RBMS1: variants seen among roughly 807,000 people sequenced by gnomAD.
The protein encoded by RBMS1 is RNA-binding motif, single-stranded-interacting protein 1.
In RBMS1, 17 loss-of-function variants were observed where a neutral mutation model predicts 62.3. That is an observed-to-expected ratio of 0.27 (90% CI 0.19 to 0.41). The LOEUF (loss-of-function observed/expected upper bound fraction) is 0.41, where lower values mean the gene tolerates loss of function less well. Ranked by LOEUF, RBMS1 falls within the 10% of genes least tolerant of loss-of-function variation. The pLI is 1.00. For missense variants in RBMS1, 334 were observed against 504.5 expected, an observed-to-expected ratio of 0.66 and a Z score of 3.24; for synonymous variants, 172 against 170.0, an observed-to-expected ratio of 1.01 and a Z score of -0.09.
intron 2 of RBMS1, among the ~76,000 whole-genome samples, chr2:160,328,249 A>G (rs563508481): frequency 4.6e-5 from 7 of 152,298 alleles, no homozygotes; most frequent in Non-Finnish European, 7.3e-5. Flanking sequence ...AATAAGTGTT[A>G]TTCTTTTCTC....
chr2:160,281,205 T>C, intron 10 of RBMS1, 109 bp downstream of exon 10: 1 of 740,164 alleles, frequency 1.4e-6, no homozygotes, highest in Non-Finnish European at 2.1e-6. Context: ...ATATTCCATG[T>C]TTAAAATTTC....
At chr2:160,323,276 G>C (rs1468025007) in intron 2 of RBMS1, among the ~76,000 whole-genome samples, 1 of 151,740 alleles carries the variant, frequency 6.6e-6, no homozygotes, top group East Asian at 1.9e-4. Context: ...AGAAGATCGA[G>C]ACCAGCCTGG....
At chr2:160,404,987 CTT>C (rs1695625835) in intron 1 of RBMS1, among the ~76,000 whole-genome samples, 1 of 152,216 alleles carries the variant, frequency 6.6e-6, no homozygotes, top group South Asian at 2.1e-4. Flanking sequence ...TGGCTCTGCA[CTT>C]TGAGTTGAAT....
chr2:160,311,205 A>C (rs1468436624), intron 4 of RBMS1, among the ~76,000 whole-genome samples: 2 of 42,184 alleles, frequency 4.7e-5, no homozygotes, highest in East Asian at 2.3e-3. Context: ...CAAAAAAAAA[A>C]AAAAATCTAT....
chr2:160,484,445 A>C (rs1685504375), intron 1 of RBMS1, among the ~76,000 whole-genome samples: 2 of 150,988 alleles, frequency 1.3e-5, no homozygotes, highest in African/African-American at 2.4e-5. Flanking sequence ...CAGTGAGCCG[A>C]GATCGCGCCA....
At chr2:160,478,550 G>C (rs1274623245) in intron 1 of RBMS1, among the ~76,000 whole-genome samples, 2 of 152,226 alleles carry the variant, frequency 1.3e-5, no homozygotes, top group East Asian at 3.8e-4. Context: ...CTATCAAAGA[G>C]TTAGTGACCT....
rs138765230 is a variant in RBMS1 at position 160,298,551 on chromosome 2, A to G, written c.640+2100T>C. Reference sequence around the variant, plus strand: ...GAAATAAGTTTACAAAAGAGAAAGGATTAACACAAGATGGGAAGAAAACGG... The same window carrying G: ...GAAATAAGTTTACAAAAGAGAAAGGGTTAACACAAGATGGGAAGAAAACGG... On this transcript the variant is annotated intron_variant, in intron 6 of 13. Coordinates refer to ENST00000348849, the MANE Select transcript of RBMS1 (RefSeq NM_016836.4). Among the ~76,000 whole-genome samples the G allele has an allele frequency of 3.8e-3, 585 of 152,338 alleles. 2 individuals are homozygous for G. The highest frequency in any genetic ancestry group is 0.013 in the African/African-American group (552 of 41,576).
intron 4 of RBMS1, among the ~76,000 whole-genome samples, chr2:160,308,198 A>T (rs540273287): frequency 7.0e-4 from 106 of 152,230 alleles, no homozygotes; most frequent in African/African-American, 2.6e-3. Context: ...GTGCGAGACC[A>T]GCCTGGGCAA....
chr2:160,421,019 C>A (rs1696401688), intron 1 of RBMS1, among the ~76,000 whole-genome samples: 1 of 152,138 alleles, frequency 6.6e-6, no homozygotes, highest in Non-Finnish European at 1.5e-5. Flanking sequence ...GATGGCACAA[C>A]TTCTGTTGAA....
chr2:160,304,384 C>T (rs1380509265), intron 4 of RBMS1, among the ~76,000 whole-genome samples: 1 of 140,152 alleles, frequency 7.1e-6, no homozygotes, highest in East Asian at 2.7e-4. Flanking sequence ...ATTTTGCAAT[C>T]TACTTCCTAT....
At chr2:160,488,176 CT>C (rs1685674461) in intron 1 of RBMS1, among the ~76,000 whole-genome samples, 1 of 152,222 alleles carries the variant, frequency 6.6e-6, no homozygotes, top group Admixed American at 6.5e-5. Context: ...ACATTTTGCT[CT>C]GTATCACCTA....
intron 1 of RBMS1, among the ~76,000 whole-genome samples, chr2:160,398,606 T>C (rs575643209): frequency 1.2e-4 from 19 of 152,322 alleles, no homozygotes; most frequent in East Asian, 3.9e-4. Context: ...TAAGTATCCC[T>C]GGTGTCTGGA....
chr2:160,441,326 T>C (rs1418510099), intron 1 of RBMS1, among the ~76,000 whole-genome samples: 1 of 152,250 alleles, frequency 6.6e-6, no homozygotes, highest in African/African-American at 2.4e-5. Flanking sequence ...CTAAAACATC[T>C]TTATGTAAGT....
intron 6 of RBMS1, among the ~76,000 whole-genome samples, chr2:160,297,164 T>C (rs1688979339): frequency 6.6e-6 from 1 of 152,208 alleles, no homozygotes; most frequent in Non-Finnish European, 1.5e-5. Flanking sequence ...TACAGATGCA[T>C]TATGCCAGCT....
At chr2:160,353,714 C>A (rs1692644836) in intron 2 of RBMS1, among the ~76,000 whole-genome samples, 2 of 152,044 alleles carry the variant, frequency 1.3e-5, no homozygotes, top group Non-Finnish European at 2.9e-5. Context: ...CCTGCCCCTT[C>A]CTAGTTTTGT....
intron 1 of RBMS1, among the ~76,000 whole-genome samples, chr2:160,418,582 A>G (rs1168655527): frequency 6.6e-6 from 1 of 152,188 alleles, no homozygotes; most frequent in Admixed American, 6.5e-5. Context: ...CTGATACTTC[A>G]TATTTGTTCA....
rs1404798694 is a variant in RBMS1 at position 160,313,153 on chromosome 2, C to T, written c.402+3G>A. ...GAGAAGCAATTGCTGGCTCTCAACT[C>T]ACCTTTGCCATTTGAGCTTGAACCC... On this transcript the variant is annotated splice_donor_region_variant and intron_variant, in intron 4 of 13. Coordinates refer to ENST00000348849, the MANE Select transcript of RBMS1 (RefSeq NM_016836.4). The T allele has an allele frequency of 6.2e-6, 10 of 1,613,120 alleles. No individual in the cohort carries two copies. The highest frequency in any genetic ancestry group is 2.2e-5 in the East Asian group (1 of 44,816).
chr2:160,463,138 C>T (rs1225940897), intron 1 of RBMS1, among the ~76,000 whole-genome samples: 1 of 152,060 alleles, frequency 6.6e-6, no homozygotes, highest in Non-Finnish European at 1.5e-5. Flanking sequence ...CTTTTTCTTA[C>T]CCTTCTGACA....
At chr2:160,353,148 C>T (rs931225090) in intron 2 of RBMS1, among the ~76,000 whole-genome samples, 3 of 152,078 alleles carry the variant, frequency 2.0e-5, no homozygotes, top group African/African-American at 7.2e-5. Context: ...TCAAAACTGT[C>T]TCACTGTTCT....
Sources: allele counts gnomAD v4.1 joint callset (sites outside exome capture counted in the v4.1 genomes callset), GRCh38; gene constraint gnomAD v4.1.1; transcripts MANE v1.5; gene names NCBI Gene and HGNC (gene_info 2026-07-23, HGNC 2026-07-21).